Variants in CA10 observed in about 807,000 individuals in gnomAD.
CA10 encodes carbonic anhydrase 10 (inactive).
CA10 carries 14 observed loss-of-function variants against 44.2 expected under a neutral mutation model. That is an observed-to-expected ratio of 0.32 (90% CI 0.21 to 0.50). The LOEUF is 0.50. CA10 is among the 20% of genes least tolerant of loss of function. The probability of loss-of-function intolerance (pLI) is 0.99; values close to 1 mark genes in which losing one functional copy is unlikely to be tolerated. For synonymous variants in CA10, 159 were observed against 141.6 expected (o/e 1.12, Z -0.87); for missense variants, 350 against 409.7 (o/e 0.85, Z 1.26).
At chr17:51,817,503 C>A (rs1165108837) in intron 3 of CA10, among the ~76,000 whole-genome samples, 1 of 152,220 alleles carries the variant, frequency 6.6e-6, no homozygotes, top group Non-Finnish European at 1.5e-5. Context: ...CTACCCTCCT[C>A]AGGCTCAGTG....
intron 3 of CA10, among the ~76,000 whole-genome samples, chr17:51,904,698 G>A (rs1216438890): frequency 6.6e-6 from 1 of 152,042 alleles, no homozygotes; most frequent in Non-Finnish European, 1.5e-5. Context: ...TGCCCAAGAG[G>A]GTCAATGCCT....
chr17:51,878,143 C>CA (rs558014863), intron 3 of CA10, among the ~76,000 whole-genome samples: 7,506 of 63,706 alleles, frequency 0.12, 586 homozygotes, highest in African/African-American at 0.15. Flanking sequence ...GACTCCGTCT[C>CA]AAAAAAAAAA....
chr17:52,070,524 C>G (rs1444817213), intron 2 of CA10: 1 of 152,144 alleles, frequency 6.6e-6, no homozygotes, highest in Non-Finnish European at 1.5e-5. Context: ...GCTGACAGTC[C>G]TACCAACAAG....
At chr17:51,674,878 G>T (rs1161766463) in intron 4 of CA10, among the ~76,000 whole-genome samples, 2 of 152,152 alleles carry the variant, frequency 1.3e-5, no homozygotes, top group Non-Finnish European at 2.9e-5. Flanking sequence ...TCCTTTGTGC[G>T]TGTATTGTGA....
chr17:52,072,311 G>T lies in CA10; in HGVS notation c.136+8C>A. The T allele has an allele frequency of 6.4e-7, 1 of 1,573,426 alleles. No individual in the cohort carries two copies. The highest frequency in any genetic ancestry group is 1.3e-5 in the African/African-American group (1 of 74,152). On this transcript the variant is annotated splice_region_variant and intron_variant, in intron 2 of 8. Transcript: ENST00000451037. ...AATAAATAAATTAAAGAATTAATGT[G>T]TACTTACCTGGAACAAAGCTTCCCT... is the stretch of plus-strand genomic sequence containing the variant.
chr17:51,665,355 T>A (rs1353270321), intron 4 of CA10, among the ~76,000 whole-genome samples: 1 of 152,176 alleles, frequency 6.6e-6, no homozygotes, highest in East Asian at 1.9e-4. Context: ...GACAGCTCTG[T>A]CATTCAGTAG....
chr17:51,738,203 C>T (rs1916976137), intron 4 of CA10, among the ~76,000 whole-genome samples: 2 of 152,200 alleles, frequency 1.3e-5, no homozygotes, highest in African/African-American at 4.8e-5. Flanking sequence ...TAAGTTGGCA[C>T]CATTGAAATG....
At chr17:51,707,568 C>T (rs1915799144) in intron 4 of CA10, among the ~76,000 whole-genome samples, 1 of 152,042 alleles carries the variant, frequency 6.6e-6, no homozygotes, top group African/African-American at 2.4e-5. Flanking sequence ...ATTATTCATC[C>T]ACTTACCAGG....
intron 3 of CA10, among the ~76,000 whole-genome samples, chr17:51,855,710 C>T (rs533571144): frequency 1.3e-5 from 2 of 152,322 alleles, no homozygotes; most frequent in East Asian, 3.9e-4. Flanking sequence ...CATGGAGCTG[C>T]AGAGTTTAAT....
At chr17:51,746,799 A>C (rs961479846) in intron 4 of CA10, among the ~76,000 whole-genome samples, 1 of 152,210 alleles carries the variant, frequency 6.6e-6, no homozygotes. Flanking sequence ...ACACACTAAA[A>C]ATAAGGCCAG....
intron 4 of CA10, among the ~76,000 whole-genome samples, chr17:51,671,917 G>C (rs528520729): frequency 6.6e-6 from 1 of 152,266 alleles, no homozygotes; most frequent in South Asian, 2.1e-4. Context: ...TTCAATGATA[G>C]CTTCTCTGCT....
chr17:52,009,311 A>AT (rs1407690451), intron 2 of CA10, among the ~76,000 whole-genome samples: 1 of 151,914 alleles, frequency 6.6e-6, no homozygotes, highest in African/African-American at 2.4e-5. Flanking sequence ...GATCCATCTA[A>AT]TTTTTGTTCT....
At chr17:51,897,820 T>C (rs1981138062) in intron 3 of CA10, among the ~76,000 whole-genome samples, 1 of 152,106 alleles carries the variant, frequency 6.6e-6, no homozygotes, top group African/African-American at 2.4e-5. Context: ...TATTCTTTTT[T>C]GTGGCTGTTG....
At chr17:51,979,401 G>A (rs1216800620) in intron 2 of CA10, among the ~76,000 whole-genome samples, 3 of 151,946 alleles carry the variant, frequency 2.0e-5, no homozygotes, top group Non-Finnish European at 4.4e-5. Context: ...TTGTGTCATT[G>A]GGGTTTGTTG....
chr17:51,780,159 G>C (rs1905999219), intron 3 of CA10, among the ~76,000 whole-genome samples: 2 of 152,132 alleles, frequency 1.3e-5, no homozygotes, highest in African/African-American at 4.8e-5. Flanking sequence ...AACCTCCTTT[G>C]ACAACAAAAG....
intron 3 of CA10, among the ~76,000 whole-genome samples, chr17:51,816,069 C>A (rs567581170): frequency 3.3e-5 from 5 of 152,224 alleles, no homozygotes; most frequent in African/African-American, 1.2e-4. Flanking sequence ...CACCTCCCCC[C>A]GGCCCCCTGC....
chr17:52,135,491 G>A (rs1037926066), intron 1 of CA10, among the ~76,000 whole-genome samples: 1 of 152,100 alleles, frequency 6.6e-6, no homozygotes, highest in African/African-American at 2.4e-5. Flanking sequence ...CAATTGCACA[G>A]GACCACGTTT....
At position 51,800,732 on chromosome 17, in the gene CA10, T is replaced by C. The variant is rs572493646; in HGVS notation, c.280-52914A>G. 7.9e-5 allele frequency among the ~76,000 whole-genome samples: 12 copies of C among 152,330 alleles called. No homozygotes were observed. The South Asian group carries it at 2.5e-3, about 32-fold the overall frequency. Reference sequence around the variant, plus strand: ...TGAAGATGTTAAAATATGGAAAATGTATATTAGAATCAATGAATTATGGCA... The same window carrying C: ...TGAAGATGTTAAAATATGGAAAATGCATATTAGAATCAATGAATTATGGCA... On this transcript the variant is annotated intron_variant, in intron 3 of 8. Transcript: ENST00000451037.
chr17:52,025,464 G>A (rs988204106), intron 2 of CA10, among the ~76,000 whole-genome samples: 1 of 152,112 alleles, frequency 6.6e-6, no homozygotes, highest in African/African-American at 2.4e-5. Flanking sequence ...CTTCAGAAGA[G>A]ACACATTCCT....
Sources: gnomAD v4.1 joint callset for allele counts (sites outside exome capture counted in the v4.1 genomes callset) on GRCh38, gnomAD v4.1.1 for gene constraint, MANE v1.5 for transcripts, NCBI Gene and HGNC (gene_info 2026-07-23, HGNC 2026-07-21) for gene names.